ADCY1: variants seen among roughly 807,000 people sequenced by gnomAD.
ADCY1 encodes adenylate cyclase type 1.
In ADCY1, 28 loss-of-function variants were observed where a neutral mutation model predicts 105.4. That is an observed-to-expected ratio of 0.27 (90% CI 0.20 to 0.36). The LOEUF is 0.36. Ranked by LOEUF, ADCY1 falls within the 10% of genes least tolerant of loss-of-function variation. The pLI is 1.00. For missense variants in ADCY1, 977 were observed against 1,434.2 expected, an observed-to-expected ratio of 0.68 and a Z score of 5.15; for synonymous variants, 655 against 623.8, an observed-to-expected ratio of 1.05 and a Z score of -0.75.
At chr7:45,581,051 TG>T (rs1408689823) in intron 1 of ADCY1, among the ~76,000 whole-genome samples, 1 of 152,124 alleles carries the variant, frequency 6.6e-6, no homozygotes, top group Non-Finnish European at 1.5e-5. Flanking sequence ...CGGAAGCTGG[TG>T]GGCATGTGAG....
chr7:45,575,255 C>T lies in ADCY1; in HGVS notation c.639+73C>T. 1.3e-6 allele frequency: 2 copies of T among 1,498,218 alleles called. No individual in the cohort carries two copies. The highest frequency in any genetic ancestry group is 1.8e-6 in the Non-Finnish European group (2 of 1,130,618). 92.8% of individuals were successfully genotyped at this position (1,498,218 alleles called of 1,614,324 possible). A position where few individuals can be genotyped will look rare whatever the true frequency, so the allele number is the denominator to read the frequency against. On this transcript the variant is annotated intron_variant, in intron 1 of 19. Transcript: ENST00000297323. The surrounding 1 kb of genome is among the most constrained non-coding windows in gnomAD (Gnocchi z 4.7). ...GGACGATGCTGGGAATGCCCGGAGTCGGGCGCGCTTTTTCCTATGCGGCGG... is the reference window on the plus strand; with the variant it reads ...GGACGATGCTGGGAATGCCCGGAGTTGGGCGCGCTTTTTCCTATGCGGCGG...
chr7:45,721,400 G>A lies in ADCY1; in HGVS notation c.*7405G>A, dbSNP rs376187694. 14 of 339,206 alleles carry A rather than the reference G, an allele frequency of 4.1e-5. No homozygotes were observed. The highest frequency in any genetic ancestry group is 1.5e-4 in the South Asian group (1 of 6,498). 21.0% of individuals were successfully genotyped at this position (339,206 alleles called of 1,614,324 possible). ...CTATATTCTAAAACTATATTTGAGC[G>A]AAACCTGTCATTGCGTCTAATTTCA... On this transcript the variant is annotated 3_prime_UTR_variant, in exon 20 of 20. Transcript: ENST00000297323.
intron 1 of ADCY1, among the ~76,000 whole-genome samples, chr7:45,578,633 C>T (rs1337800310): frequency 6.6e-6 from 1 of 152,188 alleles, no homozygotes; most frequent in Non-Finnish European, 1.5e-5. Context: ...CTCAGAGAGC[C>T]TCAGAGGGAG....
In ADCY1 at chr7:45,711,914, ATATAT is replaced by A. The variant is rs1307324943; in HGVS notation, c.3057+1268_3057+1272del. On this transcript the variant is annotated intron_variant, in intron 19 of 19. Coordinates refer to ENST00000297323, the MANE Select transcript of ADCY1 (RefSeq NM_021116.4). ...TTTATATATTATATTAAATATATAA[ATATAT>A]TATATATTATATTAAATATATAAAT... Among the ~76,000 whole-genome samples the A allele has an allele frequency of 3.5e-3, 58 of 16,392 alleles. 1 individual carries two copies. In the East Asian group the frequency reaches 0.068, roughly 19 times the overall value. The allele number at this position is 16,392 out of a possible 152,430, so 10.8% of individuals were successfully genotyped here. A position where few individuals can be genotyped will look rare whatever the true frequency, so the allele number is the denominator to read the frequency against.
intron 2 of ADCY1, among the ~76,000 whole-genome samples, chr7:45,594,220 G>T (rs1021227305): frequency 6.6e-6 from 1 of 152,148 alleles, no homozygotes; most frequent in Admixed American, 6.5e-5. Flanking sequence ...GTGTGTATGC[G>T]CATGTGTTGA....
chr7:45,646,993 C>G (rs1794680691), intron 4 of ADCY1, among the ~76,000 whole-genome samples: 1 of 152,236 alleles, frequency 6.6e-6, no homozygotes, highest in African/African-American at 2.4e-5. Flanking sequence ...ACCTCCTCCC[C>G]TTTTCTCCCG....
intron 4 of ADCY1, among the ~76,000 whole-genome samples, chr7:45,644,876 A>G (rs1046369283): frequency 2.0e-5 from 3 of 152,150 alleles, no homozygotes; most frequent in African/African-American, 7.2e-5. Flanking sequence ...CAATATATTC[A>G]ACATTTGTCC....
chr7:45,574,606 C>G lies in ADCY1; in HGVS notation c.63C>G (p.Ala21=), dbSNP rs890602276. ...GCGGCGCGGGCGAGCCCGGGGGCGC[C>G]GAGCGGGCGGCCGGGACAAGCCGCC... is the stretch of plus-strand genomic sequence containing the variant. ...GGGGAGEPGG[A]ERAAGTSRRR... Residue 21 remains alanine, a synonymous_variant, in exon 1 of 20, where the codon GCC becomes GCG. Transcript: ENST00000297323. The surrounding 1 kb of genome is among the most constrained non-coding windows in gnomAD (Gnocchi z 7.0). 5 of 1,132,976 alleles carry G rather than the reference C, an allele frequency of 4.4e-6. No homozygotes were observed. The highest frequency in any genetic ancestry group is 5.4e-6 in the Non-Finnish European group (5 of 926,038). The allele number at this position is 1,132,976 out of a possible 1,614,324, so 70.2% of individuals were successfully genotyped here. A position where few individuals can be genotyped will look rare whatever the true frequency, so the allele number is the denominator to read the frequency against.
intron 7 of ADCY1, 116 bp downstream of exon 7, chr7:45,660,299 C>A: frequency 1.4e-6 from 2 of 1,422,264 alleles, no homozygotes; most frequent in Non-Finnish European, 1.9e-6. Flanking sequence ...GGGCTGTGAA[C>A]TTGCTAAGAT....
rs1213343327 is a variant in ADCY1 at position 45,647,450 on chromosome 7, C to T, written c.1021-1220C>T. On this transcript the variant is annotated intron_variant, in intron 4 of 19. Coordinates refer to ENST00000297323, the MANE Select transcript of ADCY1 (RefSeq NM_021116.4). The surrounding 1 kb of genome is among the most constrained non-coding windows in gnomAD (Gnocchi z 4.6). ...AGGGCCCCAGTCATTTGTAAGAAAC[C>T]AAAGGATCACATTAAATATAAGCCA... is the stretch of plus-strand genomic sequence containing the variant. 6.6e-6 allele frequency among the ~76,000 whole-genome samples: 1 copy of T among 152,186 alleles called. No individual in the cohort carries two copies. The highest frequency in any genetic ancestry group is 1.5e-5 in the Non-Finnish European group (1 of 68,032).
chr7:45,688,876 C>T (rs920086147), intron 14 of ADCY1, among the ~76,000 whole-genome samples: 3 of 151,768 alleles, frequency 2.0e-5, no homozygotes, highest in Admixed American at 2.0e-4. Flanking sequence ...AACCCATCCC[C>T]ATCAGTTAAC....
intron 10 of ADCY1, among the ~76,000 whole-genome samples, chr7:45,678,538 A>G (rs1196945653): frequency 7.9e-5 from 12 of 152,006 alleles, no homozygotes; most frequent in Admixed American, 7.2e-4. Flanking sequence ...TCTAAGACAC[A>G]ATATATTTTC....
At chr7:45,682,238 C>G (rs556349995) in intron 11 of ADCY1, among the ~76,000 whole-genome samples, 1 of 152,116 alleles carries the variant, frequency 6.6e-6, no homozygotes, top group South Asian at 2.1e-4. Context: ...TAGCTCATCC[C>G]GGGAATCAGG....
intron 5 of ADCY1, among the ~76,000 whole-genome samples, chr7:45,652,840 C>T (rs2116079689): frequency 6.6e-6 from 1 of 152,258 alleles, no homozygotes; most frequent in Middle Eastern, 3.4e-3. Flanking sequence ...TCCTCAGCCA[C>T]CAAGCTTAGC....
At chr7:45,712,953 T>C (rs941902325) in intron 19 of ADCY1, among the ~76,000 whole-genome samples, 1 of 152,036 alleles carries the variant, frequency 6.6e-6, no homozygotes, top group African/African-American at 2.4e-5. Flanking sequence ...GCCCTCCGTA[T>C]GCTGGTCCCT....
At chr7:45,683,186 A>G (rs1453645282) in intron 11 of ADCY1, among the ~76,000 whole-genome samples, 1 of 152,296 alleles carries the variant, frequency 6.6e-6, no homozygotes, top group Non-Finnish European at 1.5e-5. Flanking sequence ...CATATGGGAC[A>G]CAGTATCTTA....
intron 17 of ADCY1, among the ~76,000 whole-genome samples, 194 bp downstream of exon 17, chr7:45,704,810 G>A (rs1316377369): frequency 6.6e-5 from 10 of 152,194 alleles, no homozygotes; most frequent in Admixed American, 3.3e-4. Context: ...CAGCACAGAA[G>A]GCACCGGAGC....
Position 45,719,302 on chromosome 7 carries a change from T to C in ADCY1, c.*5307T>C, listed in dbSNP as rs1190562643. ...GCCCTCCGCTCACCTAGAGGAGCCC[T>C]GGGACACGCACTGGAAAGTATTCTA... On this transcript the variant is annotated 3_prime_UTR_variant, in exon 20 of 20. Coordinates refer to ENST00000297323, the MANE Select transcript of ADCY1 (RefSeq NM_021116.4). The C allele has an allele frequency of 1.3e-5, 2 of 152,334 alleles. No homozygotes were observed. The highest frequency in any genetic ancestry group is 2.9e-5 in the Non-Finnish European group (2 of 68,136). The allele number at this position is 152,334 out of a possible 1,614,324, so 9.4% of individuals were successfully genotyped here.
chr7:45,678,341 T>A, intron 10 of ADCY1, 78 bp downstream of exon 10: 2 of 1,399,876 alleles, frequency 1.4e-6, no homozygotes, highest in Non-Finnish European at 2.0e-6. Context: ...GTTTCTGGGG[T>A]TCGTGGTTGT....
Sources: allele counts gnomAD v4.1 joint callset (sites outside exome capture counted in the v4.1 genomes callset), GRCh38; gene constraint gnomAD v4.1.1; non-coding constraint Gnocchi (gnomAD v3.1); transcripts MANE v1.5; gene names NCBI Gene and HGNC (gene_info 2026-07-23, HGNC 2026-07-21).